The following TBXAS1 variants were observed in gnomAD, a reference collection of about 807,000 sequenced individuals.
The protein encoded by TBXAS1 is thromboxane-A synthase.
A neutral mutation model predicts 60.7 loss-of-function variants in TBXAS1; 48 were observed. The ratio of observed to expected loss-of-function variants is 0.79; its 90% confidence interval spans 0.63 to 1.01. TBXAS1 has a LOEUF of 1.01. Ranked by LOEUF, TBXAS1 falls within the 50% of genes least tolerant of loss-of-function variation. TBXAS1 has a pLI of 0.00. For missense variants in TBXAS1, 685 were observed against 686.3 expected, an observed-to-expected ratio of 1.00 and a Z score of 0.02; for synonymous variants, 287 against 269.7, an observed-to-expected ratio of 1.06 and a Z score of -0.63.
In TBXAS1 at chr7:139,898,588, G is replaced by A. The variant is rs574914718; in HGVS notation, c.237-12637G>A. 1.1e-4 allele frequency among the ~76,000 whole-genome samples: 16 copies of A among 152,218 alleles called. No homozygotes were observed. In the South Asian group the frequency reaches 2.1e-3, roughly 20 times the overall value. ...GTGATCCGCAAGTGCTGGGATTACA[G>A]GCGTGAGCCACTACGCCCGGCCTGT... On this transcript the variant is annotated intron_variant, in intron 3 of 12. Transcript: ENST00000448866.
intron 1 of TBXAS1, among the ~76,000 whole-genome samples, chr7:139,846,569 T>A (rs563732558): frequency 1.7e-4 from 26 of 152,324 alleles, no homozygotes; most frequent in Non-Finnish European, 3.1e-4. Flanking sequence ...AAAAACTGCA[T>A]AGACGCTGGG....
At position 139,915,446 on chromosome 7, in the gene TBXAS1, T is replaced by C. The variant is rs545755781; in HGVS notation, c.333+4125T>C. ...ATGCAGGCTGCTACCAAACGGTCCC[T>C]TGTGATACAGAAAATACCTCGGCAT... On this transcript the variant is annotated intron_variant, in intron 4 of 12. Transcript: ENST00000448866. 3.9e-5 allele frequency among the ~76,000 whole-genome samples: 6 copies of C among 152,358 alleles called. No individual in the cohort carries two copies. The South Asian group carries it at 1.2e-3, about 32-fold the overall frequency.
intron 11 of TBXAS1, among the ~76,000 whole-genome samples, chr7:140,017,300 G>T (rs77733242): frequency 1.2e-3 from 181 of 152,344 alleles, no homozygotes; most frequent in African/African-American, 4.1e-3. Flanking sequence ...GGGAGGGGAG[G>T]TGGCGCCATG....
intron 4 of TBXAS1, among the ~76,000 whole-genome samples, chr7:139,796,219 G>A (rs1797567024): frequency 6.6e-6 from 1 of 152,102 alleles, no homozygotes; most frequent in Non-Finnish European, 1.5e-5. Context: ...CATAGAACTT[G>A]GTTAAATGTA....
At chr7:139,997,990 G>A (rs1029823815) in intron 9 of TBXAS1, among the ~76,000 whole-genome samples, 1 of 152,180 alleles carries the variant, frequency 6.6e-6, no homozygotes, top group Non-Finnish European at 1.5e-5. Context: ...CCATTGACAA[G>A]GAAAAGGATG....
intron 6 of TBXAS1, among the ~76,000 whole-genome samples, chr7:139,954,173 A>G (rs1244071460): frequency 6.6e-6 from 1 of 152,258 alleles, no homozygotes. Context: ...CAGATAAAGA[A>G]TAAAGTGGGA....
intron 1 of TBXAS1, among the ~76,000 whole-genome samples, chr7:139,853,582 C>T (rs1010410267): frequency 2.0e-5 from 3 of 151,968 alleles, no homozygotes; most frequent in Admixed American, 2.0e-4. Flanking sequence ...TCCTGGCTCA[C>T]AGGAAGCATC....
intron 4 of TBXAS1, among the ~76,000 whole-genome samples, chr7:139,801,816 T>C (rs934986800): frequency 2.6e-5 from 4 of 151,958 alleles, no homozygotes; most frequent in Non-Finnish European, 5.9e-5. Context: ...CAGGCTAGAG[T>C]GCAGTGGCCT....
At chr7:139,948,813 CT>C (rs1190633960) in intron 5 of TBXAS1, among the ~76,000 whole-genome samples, 1 of 152,132 alleles carries the variant, frequency 6.6e-6, no homozygotes, top group Non-Finnish European at 1.5e-5. Context: ...TCAAAGACAG[CT>C]TTTGTTTGTA....
chr7:139,869,895 T>C (rs750902245), intron 1 of TBXAS1, among the ~76,000 whole-genome samples: 14 of 152,064 alleles, frequency 9.2e-5, no homozygotes, highest in Non-Finnish European at 2.1e-4. Flanking sequence ...GACCAGAGGG[T>C]ATGAAACAAG....
rs758483402 is a variant in TBXAS1 at position 139,893,248 on chromosome 7, C to A, written c.236+17611C>A. ...CCAGACCGTGTATTCCTGTTCTAAG[C>A]CCACACATCATTTGGGGAGAGATGA... is the stretch of plus-strand genomic sequence containing the variant. On this transcript the variant is annotated intron_variant, in intron 3 of 12. Transcript: ENST00000448866. 4.6e-5 allele frequency among the ~76,000 whole-genome samples: 7 copies of A among 151,936 alleles called. 1 individual carries two copies. Among genetic ancestry groups the A allele is most frequent in the Middle Eastern group, 3.4e-3 (1 of 294 alleles).
At chr7:140,017,494 AG>A in intron 11 of TBXAS1, among the ~76,000 whole-genome samples, 176 bp from the exon 12 acceptor site, 1 of 152,320 alleles carries the variant, frequency 6.6e-6, no homozygotes, top group Non-Finnish European at 1.5e-5. Flanking sequence ...GGGGCTGTGC[AG>A]GAAGACAGGA....
intron 3 of TBXAS1, among the ~76,000 whole-genome samples, chr7:139,885,068 G>A (rs1434269022): frequency 1.3e-5 from 2 of 152,170 alleles, no homozygotes; most frequent in Non-Finnish European, 2.9e-5. Flanking sequence ...CAGAGCACCT[G>A]GCTAGAAAGG....
chr7:139,986,053 G>C (rs889848120), intron 9 of TBXAS1, among the ~76,000 whole-genome samples: 1 of 152,228 alleles, frequency 6.6e-6, no homozygotes, highest in Non-Finnish European at 1.5e-5. Context: ...CAGGCCCACC[G>C]GAACAGCGGC....
chr7:139,950,997 G>T (rs985966145), intron 5 of TBXAS1, among the ~76,000 whole-genome samples: 1 of 152,144 alleles, frequency 6.6e-6, no homozygotes, highest in Admixed American at 6.5e-5. Context: ...GAGGAGAGGG[G>T]TCCTATAAAA....
At chr7:139,944,044 T>C (rs548251548) in intron 5 of TBXAS1, among the ~76,000 whole-genome samples, 59 of 152,280 alleles carry the variant, frequency 3.9e-4, no homozygotes, top group African/African-American at 1.2e-3. Flanking sequence ...CAAATATTTA[T>C]TAATTAGTTC....
chr7:139,864,625 CAA>C (rs1358809805), intron 1 of TBXAS1, among the ~76,000 whole-genome samples: 1 of 150,034 alleles, frequency 6.7e-6, no homozygotes, highest in African/African-American at 2.5e-5. Context: ...GAGAAAAAAA[CAA>C]AGAGTGTGAT....
chr7:140,012,705 C>A (rs1013868343), intron 10 of TBXAS1, among the ~76,000 whole-genome samples: 1 of 152,162 alleles, frequency 6.6e-6, no homozygotes, highest in Non-Finnish European at 1.5e-5. Flanking sequence ...GTGATCCACA[C>A]ACCTCTGCCT....
intron 4 of TBXAS1, among the ~76,000 whole-genome samples, chr7:139,790,498 C>A (rs1797347894): frequency 6.6e-6 from 1 of 152,246 alleles, no homozygotes; most frequent in South Asian, 2.1e-4. Context: ...GTCAAAACAA[C>A]AAAACCTATA....
Sources: allele counts gnomAD v4.1 joint callset (sites outside exome capture counted in the v4.1 genomes callset), GRCh38; gene constraint gnomAD v4.1.1; transcripts MANE v1.5; gene names NCBI Gene and HGNC (gene_info 2026-07-23, HGNC 2026-07-21).